The following RGS5 variants were observed in gnomAD, a reference collection of about 807,000 sequenced individuals.
RGS5 encodes regulator of G-protein signalling 5.
In RGS5, 20 loss-of-function variants were observed where a neutral mutation model predicts 18.9. That is an observed-to-expected ratio of 1.06 (90% CI 0.74 to 1.54). The LOEUF (loss-of-function observed/expected upper bound fraction) is 1.54, where lower values mean the gene tolerates loss of function less well. Ranked by LOEUF, RGS5 falls within the 40% of genes most tolerant of loss-of-function variation. The pLI, the probability that RGS5 is intolerant of heterozygous loss-of-function variation, is 0.00. For synonymous variants in RGS5, 57 were observed against 76.2 expected, an observed-to-expected ratio of 0.75 and a Z score of 1.31; for missense variants, 201 against 211.8, an observed-to-expected ratio of 0.95 and a Z score of 0.32.
chr1:163,311,435 T>C (rs1056268892), intron 1 of RGS5, among the ~76,000 whole-genome samples: 7 of 152,262 alleles, frequency 4.6e-5, no homozygotes. Context: ...ACAAGAGGCC[T>C]AGCTTTTGGC....
intron 2 of RGS5, chr1:163,305,111 C>T (rs567504440): frequency 6.6e-5 from 10 of 152,320 alleles, no homozygotes; most frequent in Admixed American, 4.6e-4. Context: ...AAGTATGGCA[C>T]GCTTTTTCAC....
chr1:163,297,652 A>G (rs1649453938), intron 2 of RGS5, among the ~76,000 whole-genome samples: 1 of 152,126 alleles, frequency 6.6e-6, no homozygotes, highest in Non-Finnish European at 1.5e-5. Flanking sequence ...ATTTCTCTGT[A>G]TCTTCTCCCA....
chr1:163,228,380 C>T (rs1647388744), intron 2 of RGS5, among the ~76,000 whole-genome samples: 1 of 152,232 alleles, frequency 6.6e-6, no homozygotes, highest in Admixed American at 6.5e-5. Flanking sequence ...GGGCTTTCGC[C>T]CTCTGAAGCA....
At chr1:163,201,273 T>C (rs1659762333) in intron 1 of RGS5, among the ~76,000 whole-genome samples, 1 of 152,132 alleles carries the variant, frequency 6.6e-6, no homozygotes, top group Non-Finnish European at 1.5e-5. Flanking sequence ...AAGTTTTCTG[T>C]GCGTTTCTGG....
At chr1:163,320,967 C>G (rs1650184780) in intron 1 of RGS5, among the ~76,000 whole-genome samples, 1 of 152,214 alleles carries the variant, frequency 6.6e-6, no homozygotes, top group South Asian at 2.1e-4. Flanking sequence ...TGACCAGATA[C>G]AAGTCCTATT....
At chr1:163,259,684 A>G (rs968799761) in intron 2 of RGS5, among the ~76,000 whole-genome samples, 4 of 152,214 alleles carry the variant, frequency 2.6e-5, no homozygotes, top group African/African-American at 4.8e-5. Context: ...GAAGTTTTTC[A>G]TCACTCACTA....
At chr1:163,251,122 G>A (rs4656390) in intron 2 of RGS5, among the ~76,000 whole-genome samples, 30,390 of 151,930 alleles carry the variant, frequency 0.2, 3,436 homozygotes, top group Non-Finnish European at 0.25. Context: ...TTTTTCCTCA[G>A]GTTACATTTA....
chr1:163,166,229 A>G (rs1488107388), intron 2 of RGS5, among the ~76,000 whole-genome samples: 2 of 149,578 alleles, frequency 1.3e-5, no homozygotes, highest in African/African-American at 5.0e-5. Context: ...AGGGGAACAG[A>G]GCTGTCTTTA....
chr1:163,197,668 C>CA (rs1231330223), intron 1 of RGS5, among the ~76,000 whole-genome samples: 4 of 152,130 alleles, frequency 2.6e-5, no homozygotes, highest in African/African-American at 9.7e-5. Flanking sequence ...GATCCCCCTC[C>CA]AAATTTTATT....
At chr1:163,318,289 T>A (rs890807412) in intron 1 of RGS5, among the ~76,000 whole-genome samples, 3 of 151,758 alleles carry the variant, frequency 2.0e-5, no homozygotes, top group Non-Finnish European at 4.4e-5. Flanking sequence ...GGCCATGGAG[T>A]TGGACTATCT....
chr1:163,302,144 T>C (rs1649569664), intron 2 of RGS5, among the ~76,000 whole-genome samples: 1 of 152,196 alleles, frequency 6.6e-6, no homozygotes, highest in Non-Finnish European at 1.5e-5. Context: ...TAAGATACTC[T>C]GAAGACTAGA....
At position 163,152,532 on chromosome 1, in the gene RGS5, AC is replaced by A; in HGVS notation, c.384+17del. 6.2e-7 allele frequency: 1 copy of A among 1,602,928 alleles called. No individual in the cohort carries two copies. Among genetic ancestry groups the A allele is most frequent in the South Asian group, 1.1e-5 (1 of 88,348 alleles). On this transcript the variant is annotated intron_variant, in intron 4 of 4. Transcript: ENST00000313961. The stretch of plus-strand genomic sequence containing the variant: ...CTAATGAGCTGCCCTTAACTGACCC[AC>A]CTACCCAGAGACCAACCTCTTTAGG...
chr1:163,318,251 G>T (rs1295292399), intron 1 of RGS5, among the ~76,000 whole-genome samples: 1 of 152,132 alleles, frequency 6.6e-6, no homozygotes, highest in East Asian at 1.9e-4. Flanking sequence ...GAAAACAGTG[G>T]CAAGATAATG....
At chr1:163,155,578 G>A (rs1304747925) in intron 3 of RGS5, among the ~76,000 whole-genome samples, 1 of 152,116 alleles carries the variant, frequency 6.6e-6, no homozygotes, top group Non-Finnish European at 1.5e-5. Context: ...TTTAGCCTCT[G>A]GTTGTCTGTC....
upstream of RGS5, among the ~76,000 whole-genome samples, chr1:163,221,971 T>C (rs1227070422): frequency 6.6e-6 from 1 of 152,250 alleles, no homozygotes; most frequent in Non-Finnish European, 1.5e-5. Flanking sequence ...AGGTTTTCAC[T>C]TGGCCCTTCC....
intron 2 of RGS5, among the ~76,000 whole-genome samples, chr1:163,230,731 C>A (rs924984746): frequency 6.6e-6 from 1 of 152,102 alleles, no homozygotes; most frequent in Non-Finnish European, 1.5e-5. Context: ...TGATGATTAA[C>A]CTTCAGGAAC....
intron 3 of RGS5, among the ~76,000 whole-genome samples, chr1:163,158,540 A>G (rs1165846478): frequency 6.6e-6 from 1 of 152,188 alleles, no homozygotes; most frequent in Non-Finnish European, 1.5e-5. Context: ...CAGGGGAGAC[A>G]TCACTTGTCA....
At chr1:163,243,643 C>CAAAAAAAA (rs3069033) in intron 2 of RGS5, among the ~76,000 whole-genome samples, 2 of 55,104 alleles carry the variant, frequency 3.6e-5, no homozygotes, top group Non-Finnish European at 3.1e-5. Flanking sequence ...GACTCCGTCT[C>CAAAAAAAA]AAAAAAAAAA....
intron 1 of RGS5, among the ~76,000 whole-genome samples, chr1:163,178,251 C>T (rs1431946294): frequency 6.6e-6 from 1 of 152,014 alleles, no homozygotes; most frequent in African/African-American, 2.4e-5. Flanking sequence ...ATGGAGGTTG[C>T]AGTGAACTGA....
Sources: allele counts gnomAD v4.1 joint callset (sites outside exome capture counted in the v4.1 genomes callset), GRCh38; gene constraint gnomAD v4.1.1; transcripts MANE v1.5; gene names NCBI Gene and HGNC (gene_info 2026-07-23, HGNC 2026-07-21).